Variants in GTF2F2 observed in about 807,000 individuals in gnomAD.
GTF2F2 encodes general transcription factor IIF subunit 2.
In GTF2F2, 23 loss-of-function variants were observed where a neutral mutation model predicts 42.2. The observed-to-expected ratio is 0.55, with a 90% CI of 0.39 to 0.77. The LOEUF (loss-of-function observed/expected upper bound fraction) is 0.77, where lower values mean the gene tolerates loss of function less well. Among genes scored for constraint, GTF2F2 ranks in the 30% least tolerant of loss-of-function variants. The pLI, the probability that GTF2F2 is intolerant of heterozygous loss-of-function variation, is 0.00. For missense variants in GTF2F2, 261 were observed against 287.2 expected (o/e 0.91, Z 0.66); for synonymous variants, 105 against 100.8 (o/e 1.04, Z -0.25).
chr13:45,270,712 C>G (rs76661672), intron 7 of GTF2F2, among the ~76,000 whole-genome samples: 2 of 152,102 alleles, frequency 1.3e-5, no homozygotes, highest in African/African-American at 4.8e-5. Context: ...TTTTTCCCCC[C>G]TCAAAAATAG....
At chr13:45,132,887 A>T (rs1227705316) in intron 1 of GTF2F2, among the ~76,000 whole-genome samples, 1 of 151,904 alleles carries the variant, frequency 6.6e-6, no homozygotes, top group Admixed American at 6.5e-5. Flanking sequence ...GGAGTGAGGG[A>T]CTGAATTGAC....
chr13:45,274,323 C>CTTTTT (rs367793010), intron 7 of GTF2F2, among the ~76,000 whole-genome samples: 77 of 102,426 alleles, frequency 7.5e-4, no homozygotes, highest in African/African-American at 1.5e-3. Context: ...ACAAATTATA[C>CTTTTT]TTTTTTTTTT....
At position 45,227,956 on chromosome 13, in the gene GTF2F2, A is replaced by G. The variant is rs138581401; in HGVS notation, c.386+20451A>G. Among the ~76,000 whole-genome samples, 1,372 of 152,280 alleles carry G rather than the reference A, an allele frequency of 9.0e-3. 29 individuals carry two copies. The highest frequency in any genetic ancestry group is 0.032 in the African/African-American group (1,310 of 41,534). On this transcript the variant is annotated intron_variant, in intron 5 of 7. Transcript: ENST00000340473. The stretch of plus-strand genomic sequence containing the variant: ...CTGAAGGCTAGAAAACAAGGTGACA[A>G]ATCCTAGGAATTACCAGTGAAGAAT...
chr13:45,194,124 G>A (rs747047179), intron 4 of GTF2F2: 1 of 1,614,002 alleles, frequency 6.2e-7, no homozygotes. Flanking sequence ...AACGATCGTG[G>A]TTATCTGTTA....
intron 5 of GTF2F2, among the ~76,000 whole-genome samples, chr13:45,214,047 A>C (rs78646486): frequency 2.0e-5 from 3 of 152,104 alleles, no homozygotes; most frequent in African/African-American, 7.2e-5. Flanking sequence ...TTAATCAGTG[A>C]GTTTTTACTG....
intron 7 of GTF2F2, among the ~76,000 whole-genome samples, chr13:45,278,816 CTTTTTTTTTTTTT>C (rs1157972776): frequency 6.4e-5 from 4 of 62,304 alleles, no homozygotes; most frequent in African/African-American, 2.8e-4. Context: ...TTTTCTTTTT[CTTTTTTTTTTTTT>C]TTTTTTTTTT....
chr13:45,229,460 T>C (rs1412557516), intron 5 of GTF2F2, among the ~76,000 whole-genome samples: 1 of 152,166 alleles, frequency 6.6e-6, no homozygotes, highest in Non-Finnish European at 1.5e-5. Flanking sequence ...GTGATTATAC[T>C]TATCTCTTTA....
intron 5 of GTF2F2, among the ~76,000 whole-genome samples, chr13:45,252,069 A>G (rs1875900468): frequency 6.6e-6 from 1 of 152,242 alleles, no homozygotes; most frequent in Non-Finnish European, 1.5e-5. Context: ...CTACTTAAAT[A>G]TACATGTACT....
chr13:45,180,330 T>C (rs934041900), intron 4 of GTF2F2, among the ~76,000 whole-genome samples: 8 of 152,232 alleles, frequency 5.3e-5, no homozygotes, highest in Non-Finnish European at 1.2e-4. Context: ...TTTAAAAATA[T>C]ACGTAGTTTC....
chr13:45,185,582 A>C (rs1365457559), intron 4 of GTF2F2, among the ~76,000 whole-genome samples: 1 of 152,220 alleles, frequency 6.6e-6, no homozygotes, highest in Non-Finnish European at 1.5e-5. Flanking sequence ...GTAACAATGT[A>C]TTATATACTT....
intron 5 of GTF2F2, among the ~76,000 whole-genome samples, chr13:45,232,635 G>GA (rs1874742506): frequency 6.6e-6 from 1 of 151,800 alleles, no homozygotes; most frequent in Non-Finnish European, 1.5e-5. Context: ...CCCTGTCTCA[G>GA]AAAAAAAGAA....
At chr13:45,131,920 A>AG (rs1555263584) in intron 1 of GTF2F2, among the ~76,000 whole-genome samples, 27 of 146,288 alleles carry the variant, frequency 1.8e-4, no homozygotes, top group African/African-American at 4.7e-4. Context: ...AAAAAAAAAA[A>AG]AGAGAGAGAG....
intron 4 of GTF2F2, among the ~76,000 whole-genome samples, chr13:45,191,872 TCTC>T (rs1206551532): frequency 6.6e-6 from 1 of 152,172 alleles, no homozygotes; most frequent in East Asian, 1.9e-4. Flanking sequence ...ATAGTTAAAT[TCTC>T]CTCTTTGGAT....
At chr13:45,191,959 G>A (rs1872676824) in intron 4 of GTF2F2, among the ~76,000 whole-genome samples, 1 of 152,054 alleles carries the variant, frequency 6.6e-6, no homozygotes, top group African/African-American at 2.4e-5. Flanking sequence ...AGATATGTCA[G>A]GGTTATTTTT....
At chr13:45,124,015 C>G in intron 1 of GTF2F2, 1 of 1,113,746 alleles carries the variant, frequency 9.0e-7, no homozygotes, top group South Asian at 1.3e-5. Context: ...AGGGGTCTTA[C>G]TCCTTAGAGG....
chr13:45,172,502 A>G (rs1871647593), intron 4 of GTF2F2, among the ~76,000 whole-genome samples: 1 of 152,060 alleles, frequency 6.6e-6, no homozygotes, highest in South Asian at 2.1e-4. Flanking sequence ...TGTCTTTTTT[A>G]CTTTTCTGAT....
At chr13:45,127,330 T>G (rs1869067381) in intron 1 of GTF2F2, among the ~76,000 whole-genome samples, 1 of 151,714 alleles carries the variant, frequency 6.6e-6, no homozygotes, top group Non-Finnish European at 1.5e-5. Context: ...CTTTTTTTTT[T>G]GGTCTTTCTT....
intron 1 of GTF2F2, among the ~76,000 whole-genome samples, chr13:45,129,197 A>G (rs1409458932): frequency 1.3e-5 from 2 of 151,952 alleles, no homozygotes; most frequent in Admixed American, 1.3e-4. Context: ...CTACTCTACT[A>G]TTTGCATTTT....
Position 45,151,720 on chromosome 13 carries a change from A to G in GTF2F2, c.193A>G (p.Ile65Val). Reference protein sequence around the residue: ...SFTLNEDLANIHDIGGKPASV... With the variant: ...SFTLNEDLANVHDIGGKPASV... Reference sequence around the variant, plus strand: ...TACTTTGAATGAGGATCTTGCAAATATTCATGATATTGGTGGAAAACCAGC... The same window carrying G: ...TACTTTGAATGAGGATCTTGCAAATGTTCATGATATTGGTGGAAAACCAGC... The change falls in exon 4 of 8, where the codon ATT becomes GTT. Residue 65 changes from isoleucine to valine, a missense_variant. Transcript: ENST00000340473. The G allele has an allele frequency of 6.2e-7, 1 of 1,606,908 alleles. No homozygotes were observed. Among genetic ancestry groups the G allele is most frequent in the South Asian group, 1.1e-5 (1 of 90,602 alleles).
Sources: gnomAD v4.1 joint callset for allele counts (sites outside exome capture counted in the v4.1 genomes callset) on GRCh38, gnomAD v4.1.1 for gene constraint, MANE v1.5 for transcripts, NCBI Gene and HGNC (gene_info 2026-07-23, HGNC 2026-07-21) for gene names.